STX2: variants seen among roughly 807,000 people sequenced by gnomAD.
STX2 encodes syntaxin 2, also known as syntaxin-2.
A neutral mutation model predicts 40.6 loss-of-function variants in STX2; 27 were observed. That is an observed-to-expected ratio of 0.66 (90% CI 0.49 to 0.92). The LOEUF (loss-of-function observed/expected upper bound fraction) is 0.92. STX2 is among the 40% of genes least tolerant of loss of function. The probability of loss-of-function intolerance (pLI) is 0.00; values close to 1 mark genes in which losing one functional copy is unlikely to be tolerated. For missense variants in STX2, 328 were observed against 366.1 expected (o/e 0.90, Z 0.85); for synonymous variants, 123 against 119.1 (o/e 1.03, Z -0.22).
At chr12:130,803,861 G>A (rs1367760299) in intron 6 of STX2, among the ~76,000 whole-genome samples, 1 of 152,040 alleles carries the variant, frequency 6.6e-6, no homozygotes, top group East Asian at 1.9e-4. Flanking sequence ...TTTTCCTTAA[G>A]CTCGATGTCA....
chr12:130,809,889 G>C (rs1358059714), intron 4 of STX2, among the ~76,000 whole-genome samples: 1 of 152,188 alleles, frequency 6.6e-6, no homozygotes, highest in Non-Finnish European at 1.5e-5. Flanking sequence ...GCTGGACACA[G>C]TGGCGTGTAC....
chr12:130,837,108 T>A (rs1952777318), intron 1 of STX2, among the ~76,000 whole-genome samples: 1 of 95,370 alleles, frequency 1.0e-5, no homozygotes, highest in Admixed American at 1.0e-4. Context: ...ACATTGAGCT[T>A]TTTTTTTTTT....
intron 3 of STX2, among the ~76,000 whole-genome samples, chr12:130,817,147 A>C (rs374811160): frequency 6.6e-6 from 1 of 152,124 alleles, no homozygotes; most frequent in South Asian, 2.1e-4. Context: ...ACAAAAAGAG[A>C]CAACACTAAC....
At chr12:130,830,224 C>T (rs1040599361) in intron 1 of STX2, among the ~76,000 whole-genome samples, 1 of 152,172 alleles carries the variant, frequency 6.6e-6, no homozygotes, top group Non-Finnish European at 1.5e-5. Flanking sequence ...GGAGGCTGCA[C>T]CTGCAGCTCC....
intron 9 of STX2, among the ~76,000 whole-genome samples, chr12:130,796,979 G>T (rs1951049411): frequency 6.6e-6 from 1 of 152,186 alleles, no homozygotes; most frequent in South Asian, 2.1e-4. Flanking sequence ...CTGAGCCAGG[G>T]GCAGCAGCAA....
At chr12:130,837,243 C>A (rs924919062) in intron 1 of STX2, among the ~76,000 whole-genome samples, 1 of 151,786 alleles carries the variant, frequency 6.6e-6, no homozygotes, top group African/African-American at 2.4e-5. Flanking sequence ...CTCCTGAGTA[C>A]CAAGGACTAC....
intron 3 of STX2, among the ~76,000 whole-genome samples, chr12:130,814,772 G>A (rs192042636): frequency 8.1e-4 from 123 of 151,912 alleles, no homozygotes; most frequent in African/African-American, 2.9e-3. Context: ...AAGTAGCTGG[G>A]ATTACAGGCC....
chr12:130,826,323 G>A (rs542469362), intron 2 of STX2, among the ~76,000 whole-genome samples: 6 of 152,310 alleles, frequency 3.9e-5, no homozygotes, highest in African/African-American at 1.2e-4. Context: ...AGGAGGCCTC[G>A]TTCTGAGACA....
intron 4 of STX2, among the ~76,000 whole-genome samples, chr12:130,809,885 C>T (rs1170217668): frequency 6.6e-6 from 1 of 152,134 alleles, no homozygotes; most frequent in Non-Finnish European, 1.5e-5. Flanking sequence ...TGTAGCTGGA[C>T]ACAGTGGCGT....
intron 1 of STX2, among the ~76,000 whole-genome samples, chr12:130,829,900 GC>G (rs1952492323): frequency 6.6e-6 from 1 of 152,180 alleles, no homozygotes; most frequent in Non-Finnish European, 1.5e-5. Flanking sequence ...TGAGCCCCGG[GC>G]CATAAAAGTG....
chr12:130,796,927 C>T (rs1447882452), intron 9 of STX2, among the ~76,000 whole-genome samples: 1 of 152,124 alleles, frequency 6.6e-6, no homozygotes, highest in Non-Finnish European at 1.5e-5. Context: ...CATGGCTCCG[C>T]GGGAATAAAT....
At chr12:130,808,483 T>C (rs1281800804) in intron 5 of STX2, 148 bp downstream of exon 5, 4 of 757,146 alleles carry the variant, frequency 5.3e-6, no homozygotes, top group East Asian at 2.7e-5. Context: ...TCAGATACTT[T>C]TGTTTTACAA....
intron 1 of STX2, 108 bp from the exon 2 acceptor site, chr12:130,827,375 A>T: frequency 1.3e-6 from 1 of 786,906 alleles, no homozygotes; most frequent in South Asian, 1.6e-5. Context: ...AACTCACTAC[A>T]GCACCAAATT....
chr12:130,832,217 T>C (rs1461136959), intron 1 of STX2, among the ~76,000 whole-genome samples: 1 of 152,042 alleles, frequency 6.6e-6, no homozygotes, highest in Non-Finnish European at 1.5e-5. Flanking sequence ...TCAGCATATA[T>C]TGCTCTAGTG....
chr12:130,803,623 C>A (rs1479447307), intron 6 of STX2, among the ~76,000 whole-genome samples: 1 of 133,016 alleles, frequency 7.5e-6, no homozygotes, highest in Non-Finnish European at 1.5e-5. Context: ...GTGGTTATCA[C>A]AACACTGCAC....
chr12:130,818,185 A>AAAAAAAAAAAAATATATATATATATAT, intron 3 of STX2, among the ~76,000 whole-genome samples: 1 of 70,546 alleles, frequency 1.4e-5, no homozygotes, highest in Non-Finnish European at 2.3e-5. Context: ...AAAAAAAAAA[A>AAAAAAAAAAAAATATATATATATATAT]ATATATATAT....
intron 4 of STX2, among the ~76,000 whole-genome samples, chr12:130,810,054 A>G (rs1951590051): frequency 6.6e-6 from 1 of 152,182 alleles, no homozygotes; most frequent in East Asian, 1.9e-4. Flanking sequence ...AAGTAATTTG[A>G]TTATCTAGCC....
chr12:130,812,901 AT>A (rs1951714055), intron 4 of STX2, 55 bp downstream of exon 4: 2 of 1,231,864 alleles, frequency 1.6e-6, no homozygotes, highest in African/African-American at 1.5e-5. Context: ...AAAGAAAAAA[AT>A]AACAAATACC....
chr12:130,818,730 G>A (rs1951992875), intron 3 of STX2, among the ~76,000 whole-genome samples: 1 of 152,092 alleles, frequency 6.6e-6, no homozygotes, highest in Non-Finnish European at 1.5e-5. Context: ...CCAGGGAACG[G>A]CTGAGGGAAC....
Sources: gnomAD v4.1 joint callset for allele counts (sites outside exome capture counted in the v4.1 genomes callset) on GRCh38, gnomAD v4.1.1 for gene constraint, MANE v1.5 for transcripts, NCBI Gene and HGNC (gene_info 2026-07-23, HGNC 2026-07-21) for gene names.